Variants in TAFA1 observed in about 807,000 individuals in gnomAD.
TAFA1 encodes TAFA chemokine like family member 1.
Under a neutral mutation model 18.5 loss-of-function variants are expected in TAFA1, and 4 were observed. The ratio of observed to expected loss-of-function variants is 0.22; its 90% CI spans 0.11 to 0.49. The LOEUF (loss-of-function observed/expected upper bound fraction) is 0.49. Ranked by LOEUF, TAFA1 falls within the 20% of genes least tolerant of loss-of-function variation. TAFA1 has a pLI of 0.98. For missense variants in TAFA1, 147 were observed against 169.0 expected, an observed-to-expected ratio of 0.87 and a Z score of 0.72; for synonymous variants, 56 against 55.2, an observed-to-expected ratio of 1.01 and a Z score of -0.06.
At position 68,042,956 on chromosome 3, in the gene TAFA1, C is replaced by T. The variant is rs141800775; in HGVS notation, c.118+36212C>T. 1.1e-4 allele frequency among the ~76,000 whole-genome samples: 16 copies of T among 152,184 alleles called. No homozygotes were observed. In the East Asian group the frequency reaches 2.3e-3, roughly 22 times the overall value. ...AGGCTGGAGTGCAGTGGCACGGTCT[C>T]GGCTCACTGCAACCTCTACCTCACG... On this transcript the variant is annotated intron_variant, in intron 2 of 4. Coordinates refer to ENST00000478136, the MANE Select transcript of TAFA1 (RefSeq NM_213609.4).
chr3:68,049,824 T>C (rs568386877), intron 2 of TAFA1, among the ~76,000 whole-genome samples: 9 of 152,208 alleles, frequency 5.9e-5, no homozygotes, highest in Non-Finnish European at 1.3e-4. Context: ...ATATTTTTTT[T>C]CCACCCTCAA....
At chr3:68,350,772 C>A (rs938675070) in intron 2 of TAFA1, among the ~76,000 whole-genome samples, 2 of 152,050 alleles carry the variant, frequency 1.3e-5, no homozygotes, top group African/African-American at 4.8e-5. Flanking sequence ...AGAAAGAGCT[C>A]CATGCTGGGT....
At chr3:68,332,171 T>G (rs2068889340) in intron 2 of TAFA1, among the ~76,000 whole-genome samples, 1 of 151,788 alleles carries the variant, frequency 6.6e-6, no homozygotes. Flanking sequence ...CCAAGGATAG[T>G]CTTTTCAATA....
At chr3:68,425,109 A>G (rs1182764674) in intron 3 of TAFA1, among the ~76,000 whole-genome samples, 3 of 152,018 alleles carry the variant, frequency 2.0e-5, no homozygotes, top group Non-Finnish European at 4.4e-5. Context: ...CTTGGAAATC[A>G]TCTAGAGAGC....
Position 68,159,659 on chromosome 3 carries a change from C to G in TAFA1, c.118+152915C>G, listed in dbSNP as rs182067215. 8.5e-5 allele frequency among the ~76,000 whole-genome samples: 13 copies of G among 152,236 alleles called. No individual in the cohort carries two copies. In the East Asian group the frequency reaches 2.3e-3, roughly 27 times the overall value. ...CAAATTCCAGAACAGAACTCTCAAC[C>G]ACCAGGAGGTTGCCTCAAGAGATAA... is the stretch of plus-strand genomic sequence containing the variant. On this transcript the variant is annotated intron_variant, in intron 2 of 4. Transcript: ENST00000478136.
At chr3:68,289,072 A>G (rs762245059) in intron 2 of TAFA1, among the ~76,000 whole-genome samples, 1 of 152,224 alleles carries the variant, frequency 6.6e-6, no homozygotes, top group Non-Finnish European at 1.5e-5. Flanking sequence ...ATGAATTTTC[A>G]CAAAGTATGT....
rs1341901190 is a variant in TAFA1, at chr3:68,129,651, A to T, written c.118+122907A>T. Among the ~76,000 whole-genome samples the T allele has an allele frequency of 1.1e-4, 16 of 152,192 alleles. 1 individual carries two copies. Among genetic ancestry groups the T allele is most frequent in the Admixed American group, 1.0e-3 (16 of 15,278 alleles). ...ATAATTATACGTTACATATTATAACATATTATGTATATATTTTTTCCTTGA... is the reference window on the plus strand; with the variant it reads ...ATAATTATACGTTACATATTATAACTTATTATGTATATATTTTTTCCTTGA... On this transcript the variant is annotated intron_variant, in intron 2 of 4. Transcript: ENST00000478136.
intron 2 of TAFA1, among the ~76,000 whole-genome samples, chr3:68,256,419 G>T (rs913554292): frequency 2.6e-5 from 4 of 152,124 alleles, no homozygotes; most frequent in Non-Finnish European, 5.9e-5. Context: ...TACCTAACAT[G>T]TTTGTGCCTT....
intron 2 of TAFA1, among the ~76,000 whole-genome samples, chr3:68,409,301 A>G (rs1287163248): frequency 6.6e-6 from 1 of 152,160 alleles, no homozygotes; most frequent in Non-Finnish European, 1.5e-5. Context: ...GAAACCACTG[A>G]TAGATATGGT....
rs2065719918 is a variant in TAFA1, at chr3:68,145,032, C to T, written c.118+138288C>T. ...CCAGTGGCGGTGATGGCAGAAAGCGCCTTTAGTTTCAAAAAGTTGCTGGAT... is the reference window on the plus strand; with the variant it reads ...CCAGTGGCGGTGATGGCAGAAAGCGTCTTTAGTTTCAAAAAGTTGCTGGAT... On this transcript the variant is annotated intron_variant, in intron 2 of 4. Coordinates refer to ENST00000478136, the MANE Select transcript of TAFA1 (RefSeq NM_213609.4). 3.7e-6 allele frequency: 6 copies of T among 1,605,916 alleles called. No individual in the cohort carries two copies. The East Asian group carries it at 1.1e-4, about 30-fold the overall frequency.
rs553408542 is a variant in TAFA1, at chr3:68,187,326, G to T, written c.118+180582G>T. ...CACAAAGTGAACATAAAAAAATAGAGAAATAAAACATTGTCAGACTTAGAT... is the reference window on the plus strand; with the variant it reads ...CACAAAGTGAACATAAAAAAATAGATAAATAAAACATTGTCAGACTTAGAT... On this transcript the variant is annotated intron_variant, in intron 2 of 4. Transcript: ENST00000478136. 1.5e-3 allele frequency among the ~76,000 whole-genome samples: 233 copies of T among 151,998 alleles called. 1 individual carries two copies. Among genetic ancestry groups the T allele is most frequent in the African/African-American group, 5.5e-3 (229 of 41,494 alleles).
upstream of TAFA1, among the ~76,000 whole-genome samples, chr3:68,004,033 C>T (rs939816430): frequency 3.3e-5 from 5 of 152,134 alleles, no homozygotes; most frequent in Non-Finnish European, 7.4e-5. Flanking sequence ...TTGCAGAATG[C>T]TTTTTTCTTG....
intron 3 of TAFA1, among the ~76,000 whole-genome samples, chr3:68,531,582 T>C (rs2073189145): frequency 1.3e-5 from 2 of 152,114 alleles, no homozygotes; most frequent in South Asian, 4.1e-4. Flanking sequence ...CCTTATCAGT[T>C]GAGTGTTCCT....
intron 3 of TAFA1, among the ~76,000 whole-genome samples, chr3:68,478,742 C>A (rs780321109): frequency 2.0e-5 from 3 of 151,506 alleles, no homozygotes; most frequent in African/African-American, 2.4e-5. Context: ...TACAAGAAAT[C>A]AAAAAATGTT....
chr3:68,190,043 C>A (rs184406203), intron 2 of TAFA1, among the ~76,000 whole-genome samples: 3 of 151,908 alleles, frequency 2.0e-5, no homozygotes, highest in Non-Finnish European at 4.4e-5. Flanking sequence ...AATTGTCTTT[C>A]TTCACTTGAG....
At chr3:68,117,237 A>G (rs149825803) in intron 2 of TAFA1, among the ~76,000 whole-genome samples, 1 of 152,306 alleles carries the variant, frequency 6.6e-6, no homozygotes, top group African/African-American at 2.4e-5. Context: ...GGTTTTGGTT[A>G]TGCTAAAGTA....
At chr3:68,269,252 G>C (rs1052712255) in intron 2 of TAFA1, among the ~76,000 whole-genome samples, 7 of 152,132 alleles carry the variant, frequency 4.6e-5, no homozygotes, top group Non-Finnish European at 1.0e-4. Context: ...CCGGGAGTTT[G>C]AGACCAGCCT....
chr3:68,334,615 A>G (rs775368849), intron 2 of TAFA1, among the ~76,000 whole-genome samples: 10 of 152,110 alleles, frequency 6.6e-5, no homozygotes, highest in Non-Finnish European at 1.2e-4. Flanking sequence ...TGCATTTTTA[A>G]CAATCTCTGA....
At chr3:68,076,210 T>C (rs377707681) in intron 2 of TAFA1, among the ~76,000 whole-genome samples, 3 of 152,084 alleles carry the variant, frequency 2.0e-5, no homozygotes, top group South Asian at 4.1e-4. Context: ...GAGAGTCTGA[T>C]AAAAGAGAAT....
Sources: gnomAD v4.1 joint callset for allele counts (sites outside exome capture counted in the v4.1 genomes callset) on GRCh38, gnomAD v4.1.1 for gene constraint, MANE v1.5 for transcripts, NCBI Gene and HGNC (gene_info 2026-07-23, HGNC 2026-07-21) for gene names.